NFIA: variants seen among roughly 807,000 people sequenced by gnomAD.
NFIA encodes nuclear factor I A.
In NFIA, 8 loss-of-function variants were observed where a neutral mutation model predicts 62.8. That is an observed-to-expected ratio of 0.13 (90% CI 0.07 to 0.23). The LOEUF is 0.23. NFIA is among the 10% of genes least tolerant of loss of function. The pLI is 1.00. For missense variants in NFIA, 410 were observed against 642.1 expected (o/e 0.64, Z 3.91); for synonymous variants, 235 against 238.1 (o/e 0.99, Z 0.12).
At chr1:61,408,430 C>T (rs12083480) in intron 9 of NFIA, among the ~76,000 whole-genome samples, 8,140 of 152,246 alleles carry the variant, frequency 0.053, 732 homozygotes, top group African/African-American at 0.19. Flanking sequence ...AAATAACTGC[C>T]CCAGACTCTA....
intron 2 of NFIA, among the ~76,000 whole-genome samples, chr1:61,096,849 C>T (rs1288275120): frequency 3.3e-5 from 5 of 151,980 alleles, no homozygotes; most frequent in Admixed American, 6.6e-5. Flanking sequence ...CCGCGCCTGG[C>T]GACAAGATTA....
chr1:61,079,989 G>C (rs375253881), upstream of NFIA, among the ~76,000 whole-genome samples: 1 of 152,126 alleles, frequency 6.6e-6, no homozygotes, highest in Non-Finnish European at 1.5e-5. Flanking sequence ...TTGGAACTGT[G>C]CTTTGTAGTG....
Position 61,438,851 on chromosome 1 carries a change from G to T in NFIA, c.1512+12295G>T, listed in dbSNP as rs549140704. On this transcript the variant is annotated intron_variant, in intron 10 of 10. Transcript: ENST00000403491. ...CAGCTGACATGATTAGTTCTAATGG[G>T]GTGGTGATCCTCATTGAATTGCAGA... Among the ~76,000 whole-genome samples, 560 of 152,178 alleles carry T rather than the reference G, an allele frequency of 3.7e-3. 4 individuals carry two copies. The highest frequency in any genetic ancestry group is 0.024 in the Middle Eastern group (7 of 294).
intron 2 of NFIA, among the ~76,000 whole-genome samples, chr1:61,203,109 G>A (rs531525033): frequency 6.6e-6 from 1 of 152,192 alleles, no homozygotes; most frequent in Non-Finnish European, 1.5e-5. Context: ...AGGTCTGTTG[G>A]TGCGAGAGCT....
At chr1:61,423,977 T>TTATATATGAA (rs918134500) in intron 9 of NFIA, among the ~76,000 whole-genome samples, 5 of 151,822 alleles carry the variant, frequency 3.3e-5, no homozygotes, top group South Asian at 2.1e-4. Context: ...TTTGTAGCTG[T>TTATATATGAA]TATATATGAA....
intron 2 of NFIA, among the ~76,000 whole-genome samples, chr1:61,122,117 AAAGTT>A (rs1178975473): frequency 2.6e-5 from 4 of 152,198 alleles, no homozygotes; most frequent in African/African-American, 9.6e-5. Flanking sequence ...TCCATATTTA[AAAGTT>A]AAGTTTATTA....
At chr1:61,111,674 G>T (rs144627377) in intron 2 of NFIA, among the ~76,000 whole-genome samples, 2 of 150,212 alleles carry the variant, frequency 1.3e-5, no homozygotes, top group East Asian at 4.0e-4. Flanking sequence ...CACATTCACA[G>T]CTAGTTAGAG....
At chr1:61,203,276 A>G (rs1399122487) in intron 2 of NFIA, among the ~76,000 whole-genome samples, 1 of 152,190 alleles carries the variant, frequency 6.6e-6, no homozygotes, top group Non-Finnish European at 1.5e-5. Flanking sequence ...AAACTGGGAT[A>G]AGCCCCAGAA....
chr1:61,374,664 A>T (rs1447488553), intron 6 of NFIA, among the ~76,000 whole-genome samples: 1 of 152,092 alleles, frequency 6.6e-6, no homozygotes, highest in Non-Finnish European at 1.5e-5. Flanking sequence ...CCCATTTTTT[A>T]AAAACTGAAG....
chr1:61,411,315 G>A lies in NFIA; in HGVS notation c.1420+4588G>A, dbSNP rs115577264. ...GGAAAAATCCTTACCAGCGCCCTAA[G>A]AAGTAGGGAAGTGGGGGTGGGGCAA... On this transcript the variant is annotated intron_variant, in intron 9 of 10. Transcript: ENST00000403491. Among the ~76,000 whole-genome samples, 494 of 152,224 alleles carry A rather than the reference G, an allele frequency of 3.2e-3. 2 individuals carry two copies. Among genetic ancestry groups the A allele is most frequent in the Non-Finnish European group, 5.7e-3 (391 of 68,010 alleles).
At chr1:61,313,457 G>C (rs1195168788) in intron 3 of NFIA, among the ~76,000 whole-genome samples, 1 of 152,120 alleles carries the variant, frequency 6.6e-6, no homozygotes, top group African/African-American at 2.4e-5. Flanking sequence ...TTTACAACCA[G>C]ATCTTGCAAG....
chr1:61,219,114 C>A (rs1332718138), intron 2 of NFIA, among the ~76,000 whole-genome samples: 1 of 151,640 alleles, frequency 6.6e-6, no homozygotes, highest in East Asian at 1.9e-4. Flanking sequence ...CACCTATAAT[C>A]CCAGTTACTC....
At chr1:61,128,501 G>T (rs1189950909) in intron 2 of NFIA, among the ~76,000 whole-genome samples, 1 of 152,052 alleles carries the variant, frequency 6.6e-6, no homozygotes, top group Non-Finnish European at 1.5e-5. Flanking sequence ...ATACGTGGGA[G>T]GCTGAGGTGG....
chr1:61,163,818 A>G (rs1054219462), intron 2 of NFIA, among the ~76,000 whole-genome samples: 4 of 152,124 alleles, frequency 2.6e-5, no homozygotes, highest in African/African-American at 9.7e-5. Flanking sequence ...GCATCTAGAG[A>G]GGTAACTAAA....
chr1:61,166,880 G>A (rs1016704578), intron 2 of NFIA, among the ~76,000 whole-genome samples: 9 of 152,120 alleles, frequency 5.9e-5, no homozygotes, highest in African/African-American at 1.4e-4. Context: ...AGTGGCTCAC[G>A]CCTGTAATCC....
intron 2 of NFIA, among the ~76,000 whole-genome samples, chr1:61,262,946 G>A (rs780787778): frequency 1.3e-5 from 2 of 151,986 alleles, no homozygotes; most frequent in African/African-American, 2.4e-5. Flanking sequence ...ACACCTTGCC[G>A]CATATTGTTT....
At chr1:61,227,184 G>A (rs1202946861) in intron 2 of NFIA, among the ~76,000 whole-genome samples, 3 of 152,164 alleles carry the variant, frequency 2.0e-5, no homozygotes, top group Middle Eastern at 3.2e-3. Flanking sequence ...AGCCTGTAGC[G>A]ACAGGGTTTT....
At chr1:61,305,715 C>T (rs977285839) in intron 3 of NFIA, among the ~76,000 whole-genome samples, 3 of 152,070 alleles carry the variant, frequency 2.0e-5, no homozygotes, top group African/African-American at 7.2e-5. Flanking sequence ...CTCAGATGGA[C>T]AACATTAGTC....
intron 2 of NFIA, among the ~76,000 whole-genome samples, chr1:61,138,097 T>G (rs1006588322): frequency 6.6e-6 from 1 of 152,140 alleles, no homozygotes; most frequent in Non-Finnish European, 1.5e-5. Flanking sequence ...TTCTTTCCTT[T>G]TTTCTTTTTT....
Sources: allele counts gnomAD v4.1 joint callset (sites outside exome capture counted in the v4.1 genomes callset), GRCh38; gene constraint gnomAD v4.1.1; transcripts MANE v1.5; gene names NCBI Gene and HGNC (gene_info 2026-07-23, HGNC 2026-07-21).